ZNF670: variants seen among roughly 807,000 people sequenced by gnomAD.
ZNF670 encodes the protein zinc finger protein 670.
ZNF670 carries 7 observed loss-of-function variants against 10.9 expected under a neutral mutation model. That is an observed-to-expected ratio of 0.64 (90% CI 0.36 to 1.20). The LOEUF is 1.20. Ranked by LOEUF, ZNF670 falls within the 50% of genes most tolerant of loss-of-function variation. The probability of loss-of-function intolerance (pLI) is 0.02; values close to 1 mark genes in which losing one functional copy is unlikely to be tolerated. For synonymous variants in ZNF670, 136 were observed against 152.7 expected, an observed-to-expected ratio of 0.89 and a Z score of 0.81; for missense variants, 446 against 458.6, an observed-to-expected ratio of 0.97 and a Z score of 0.25.
In ZNF670 at chr1:247,035,110, T is replaced by C. The variant is rs1670117152; in HGVS notation, c.*2339A>G. ...AATTCAGGTGACTTCTGTTATATTA[T>C]GGAACCAGTTAGACAAAAGCAGGTA... On this transcript the variant is annotated 3_prime_UTR_variant, in exon 4 of 4. Transcript: ENST00000366503. Among the ~76,000 whole-genome samples the C allele has an allele frequency of 2.0e-5, 3 of 152,232 alleles. No homozygotes were observed. The highest frequency in any genetic ancestry group is 1.5e-5 in the Non-Finnish European group (1 of 68,038).
At chr1:247,051,782 A>ATTTTTTTT (rs58493948) in intron 1 of ZNF670, among the ~76,000 whole-genome samples, 2 of 138,240 alleles carry the variant, frequency 1.4e-5, no homozygotes, top group African/African-American at 2.6e-5. Context: ...TTCTTTTTTC[A>ATTTTTTTT]TTTTTTTTTT....
chr1:247,064,772 G>A (rs1052195995), intron 1 of ZNF670, among the ~76,000 whole-genome samples: 1 of 152,102 alleles, frequency 6.6e-6, no homozygotes, highest in African/African-American at 2.4e-5. Flanking sequence ...CTCTCTCTCA[G>A]TCTATGCACT....
chr1:247,072,804 G>GTGTATATATATA lies in ZNF670; in HGVS notation c.3+5789_3+5790insTATATATATACA, dbSNP rs1484895671. ...CTCTGTCTCAAAAAAAAAAGTGTGT[G>GTGTATATATATA]TATATATATATATATATATATATAT... On this transcript the variant is annotated intron_variant, in intron 1 of 3. Transcript: ENST00000366503. 3.8e-4 allele frequency among the ~76,000 whole-genome samples: 18 copies of GTGTATATATATA among 47,648 alleles called. No individual in the cohort carries two copies. In the East Asian group the frequency reaches 6.1e-3, roughly 16 times the overall value. 31.3% of individuals were successfully genotyped at this position (47,648 alleles called of 152,430 possible).
At chr1:247,050,514 C>A (rs1670566747) in intron 1 of ZNF670, among the ~76,000 whole-genome samples, 1 of 147,978 alleles carries the variant, frequency 6.8e-6, no homozygotes, top group Admixed American at 6.7e-5. Flanking sequence ...CTCACTCTGT[C>A]ACCCAGGCTG....
chr1:247,041,306 C>T (rs1353349476), intron 1 of ZNF670, among the ~76,000 whole-genome samples: 1 of 151,826 alleles, frequency 6.6e-6, no homozygotes, highest in Non-Finnish European at 1.5e-5. Flanking sequence ...AGGCAAAAAG[C>T]AGTGGGAAAA....
At chr1:247,078,096 T>C (rs1671294437) in intron 1 of ZNF670, among the ~76,000 whole-genome samples, 2 of 152,096 alleles carry the variant, frequency 1.3e-5, no homozygotes, top group Admixed American at 6.6e-5. Context: ...TTTAATTGGG[T>C]TTGCTTCCTC....
chr1:247,069,325 G>A (rs1159703716), intron 1 of ZNF670, among the ~76,000 whole-genome samples: 4 of 150,380 alleles, frequency 2.7e-5, no homozygotes, highest in Non-Finnish European at 5.9e-5. Flanking sequence ...GAAAGTTAAA[G>A]AAGACAAAAA....
At chr1:247,052,305 C>T (rs189663998) in intron 1 of ZNF670, among the ~76,000 whole-genome samples, 22 of 152,248 alleles carry the variant, frequency 1.4e-4, no homozygotes, top group Admixed American at 1.2e-3. Flanking sequence ...GTGCCCTCCC[C>T]GTTTCCCTAG....
rs771132474 is a variant in ZNF670, at chr1:247,034,835, G to A, written c.*2614C>T. On this transcript the variant is annotated 3_prime_UTR_variant, in exon 4 of 4. Transcript: ENST00000366503. ...GAGATGCAGTTACCACAGAGCAGTA[G>A]TCTGACTTTTGATAATCAGGAATAA... Among the ~76,000 whole-genome samples, 2 of 152,218 alleles carry A rather than the reference G, an allele frequency of 1.3e-5. No homozygotes were observed. The highest frequency in any genetic ancestry group is 2.9e-5 in the Non-Finnish European group (2 of 68,034).
intron 1 of ZNF670, among the ~76,000 whole-genome samples, chr1:247,057,192 T>A (rs1165402005): frequency 6.6e-6 from 1 of 152,098 alleles, no homozygotes; most frequent in Non-Finnish European, 1.5e-5. Context: ...GGGCAAATAA[T>A]CCAATCCAAA....
In ZNF670 at chr1:247,037,944, A is replaced by G; in HGVS notation, c.675T>C (p.Tyr225=). The G allele has an allele frequency of 6.2e-7, 1 of 1,613,924 alleles. No individual in the cohort carries two copies. The highest frequency in any genetic ancestry group is 8.5e-7 in the Non-Finnish European group (1 of 1,179,960). ...HERTHTGEKP[Y]ACKKCGKSFT... ...ATGATTTACCACATTTCTTACATGC[A>G]TAGGGTTTCTCTCCAGTATGAGTTC... The change falls in exon 4 of 4, where the codon TAT becomes TAC. Residue 225 remains tyrosine, a synonymous_variant. Transcript: ENST00000366503.
At chr1:247,039,375 G>T (rs1365494922) in intron 2 of ZNF670, 36 bp downstream of exon 2, 5 of 1,594,138 alleles carry the variant, frequency 3.1e-6, no homozygotes, top group South Asian at 2.3e-5. Flanking sequence ...CACTTGCGTT[G>T]TAATCAACTA....
At chr1:247,071,319 C>G (rs1671109364) in intron 1 of ZNF670, among the ~76,000 whole-genome samples, 1 of 152,228 alleles carries the variant, frequency 6.6e-6, no homozygotes, top group African/African-American at 2.4e-5. Context: ...ACGCCCTTTG[C>G]AGCAACATGG....
At position 247,078,805 on chromosome 1, in the gene ZNF670, T is replaced by A. The variant is rs1033639852; in HGVS notation, c.-209A>T. On this transcript the variant is annotated 5_prime_UTR_variant, in exon 1 of 4. Coordinates refer to ENST00000366503, the MANE Select transcript of ZNF670 (RefSeq NM_033213.5). ...CTGCTCCCTCCTTTCGCGGCGCGCT[T>A]GAGAGTACAGTCCCCTTCCCAGCGC... 1.7e-5 allele frequency: 10 copies of A among 590,350 alleles called. No homozygotes were observed. The highest frequency in any genetic ancestry group is 1.2e-4 in the East Asian group (4 of 34,348). 36.6% of individuals were successfully genotyped at this position (590,350 alleles called of 1,614,324 possible).
At position 247,037,758 on chromosome 1, in the gene ZNF670, G is replaced by C. The variant is rs1670194822; in HGVS notation, c.861C>G (p.Gly287=). The part of the protein sequence containing the change: ...GEKPYECIKC[G]KAFRCSRVLR... Reference sequence around the variant, plus strand: ...GGACTCTGGAACATCTAAAGGCTTTGCCACATTTTATACATTCATAGGGTT... The same window carrying C: ...GGACTCTGGAACATCTAAAGGCTTTCCCACATTTTATACATTCATAGGGTT... The change falls in exon 4 of 4, where the codon GGC becomes GGG. Residue 287 remains glycine, a synonymous_variant. Transcript: ENST00000366503. The C allele has an allele frequency of 2.5e-6, 4 of 1,613,692 alleles. No homozygotes were observed. The highest frequency in any genetic ancestry group is 1.7e-5 in the Admixed American group (1 of 59,986).
At chr1:247,062,887 A>G (rs1169920238) in intron 1 of ZNF670, among the ~76,000 whole-genome samples, 8 of 142,030 alleles carry the variant, frequency 5.6e-5, no homozygotes, top group Non-Finnish European at 9.2e-5. Context: ...TTCATCAGAC[A>G]CTCCAAGATA....
At chr1:247,078,051 T>C (rs182624042) in intron 1 of ZNF670, among the ~76,000 whole-genome samples, 4 of 152,332 alleles carry the variant, frequency 2.6e-5, no homozygotes, top group Non-Finnish European at 4.4e-5. Context: ...GCACAGTCTA[T>C]ATGGGGTGAC....
At chr1:247,054,121 A>C (rs1670663146) in intron 1 of ZNF670, among the ~76,000 whole-genome samples, 1 of 152,250 alleles carries the variant, frequency 6.6e-6, no homozygotes, top group Non-Finnish European at 1.5e-5. Flanking sequence ...GGAAACATTT[A>C]GACCGTCCTA....
chr1:247,078,685 GGA>G lies in ZNF670; in HGVS notation c.-91_-90del. The G allele has an allele frequency of 6.9e-7, 1 of 1,440,902 alleles. No individual in the cohort carries two copies. The highest frequency in any genetic ancestry group is 9.7e-7 in the Non-Finnish European group (1 of 1,030,804). The allele number at this position is 1,440,902 out of a possible 1,614,324, so 89.3% of individuals were successfully genotyped here. On this transcript the variant is annotated 5_prime_UTR_variant, in exon 1 of 4. An upstream open reading frame in the 5' UTR loses its in-frame stop. Coordinates refer to ENST00000366503, the MANE Select transcript of ZNF670 (RefSeq NM_033213.5). ...AACAGAAGCTGCCGCGGGACCACTT[GGA>G]CCTCCCAGGGATAAGGGGAAGGAGC... is the stretch of plus-strand genomic sequence containing the variant.
Sources: gnomAD v4.1 joint callset for allele counts (sites outside exome capture counted in the v4.1 genomes callset) on GRCh38, gnomAD v4.1.1 for gene constraint, MANE v1.5 for transcripts, NCBI Gene and HGNC (gene_info 2026-07-23, HGNC 2026-07-21) for gene names.